Variants in TBC1D5 observed in about 807,000 individuals in gnomAD.
TBC1D5 encodes the protein TBC1 domain family, member 5.
A neutral mutation model predicts 100.3 loss-of-function variants in TBC1D5; 75 were observed. The ratio of observed to expected loss-of-function variants is 0.75; its 90% CI spans 0.62 to 0.91. The LOEUF is 0.91. Ranked by LOEUF, TBC1D5 falls within the 40% of genes least tolerant of loss-of-function variation. The pLI is 0.00. For missense variants in TBC1D5, 910 were observed against 942.4 expected, an observed-to-expected ratio of 0.97 and a Z score of 0.45; for synonymous variants, 323 against 325.6, an observed-to-expected ratio of 0.99 and a Z score of 0.09.
At chr3:17,336,567 G>T (rs916957230) in intron 13 of TBC1D5, among the ~76,000 whole-genome samples, 2 of 152,004 alleles carry the variant, frequency 1.3e-5, no homozygotes, top group African/African-American at 2.4e-5. Context: ...TCATAAGAAA[G>T]AAAGAGAAAA....
intron 16 of TBC1D5, among the ~76,000 whole-genome samples, chr3:17,243,557 T>C (rs2076481522): frequency 6.6e-6 from 1 of 151,952 alleles, no homozygotes; most frequent in Non-Finnish European, 1.5e-5. Flanking sequence ...ACTAAAAAAT[T>C]TGCAATTTAA....
chr3:17,603,078 T>C (rs1178218258), intron 2 of TBC1D5, among the ~76,000 whole-genome samples: 2 of 151,106 alleles, frequency 1.3e-5, no homozygotes, highest in Non-Finnish European at 2.9e-5. Flanking sequence ...TTCAGATCTG[T>C]GGACTATCTC....
rs542890549 is a variant in TBC1D5, at chr3:17,429,005, T to C, written c.98-486A>G. ...AGCCAACTTGAGAGGTAGTGATTAA[T>C]TAATGAGATTTTAATATGCCTTACT... On this transcript the variant is annotated intron_variant, in intron 3 of 21. Transcript: ENST00000253692. Among the ~76,000 whole-genome samples, 10 of 152,104 alleles carry C rather than the reference T, an allele frequency of 6.6e-5. 1 individual carries two copies. The highest frequency in any genetic ancestry group is 2.2e-4 in the African/African-American group (9 of 41,568).
intron 4 of TBC1D5, among the ~76,000 whole-genome samples, chr3:17,418,910 G>A (rs142278853): frequency 1.3e-5 from 2 of 152,256 alleles, no homozygotes; most frequent in East Asian, 3.9e-4. Context: ...ACCAACCACG[G>A]ACTGAGACTA....
chr3:17,697,788 G>A (rs561779150), intron 1 of TBC1D5, among the ~76,000 whole-genome samples: 50 of 146,274 alleles, frequency 3.4e-4, no homozygotes, highest in African/African-American at 1.1e-3. Flanking sequence ...AACAGAACCC[G>A]CGTTGCCAAG....
intron 2 of TBC1D5, among the ~76,000 whole-genome samples, chr3:17,570,615 C>A (rs1295818185): frequency 6.6e-6 from 1 of 151,960 alleles, no homozygotes; most frequent in Non-Finnish European, 1.5e-5. Context: ...CTAGACCATC[C>A]TATTTTTAAT....
intron 2 of TBC1D5, among the ~76,000 whole-genome samples, chr3:17,603,373 C>T (rs1021526485): frequency 1.3e-5 from 2 of 152,002 alleles, no homozygotes; most frequent in African/African-American, 4.8e-5. Context: ...GCACAAAAAC[C>T]AAGATGGCAA....
chr3:17,291,549 A>C (rs560736535), intron 15 of TBC1D5, among the ~76,000 whole-genome samples: 1 of 152,298 alleles, frequency 6.6e-6, no homozygotes, highest in South Asian at 2.1e-4. Context: ...TACTTGGATA[A>C]ATCAACCCCT....
At chr3:17,189,978 A>G (rs1054495697) in intron 18 of TBC1D5, among the ~76,000 whole-genome samples, 4 of 152,156 alleles carry the variant, frequency 2.6e-5, no homozygotes, top group African/African-American at 9.7e-5. Flanking sequence ...TTGCTTTTTA[A>G]TAAGTGGTGT....
chr3:17,240,270 G>A (rs1053078730), intron 16 of TBC1D5, among the ~76,000 whole-genome samples: 82 of 152,204 alleles, frequency 5.4e-4, no homozygotes, highest in African/African-American at 2.0e-3. Context: ...TTTAAAATAT[G>A]AAATTCAGCT....
intron 2 of TBC1D5, among the ~76,000 whole-genome samples, chr3:17,510,918 G>A (rs562233552): frequency 1.4e-4 from 21 of 152,052 alleles, no homozygotes; most frequent in African/African-American, 5.1e-4. Flanking sequence ...AATCACACAA[G>A]GAGTAAGTAT....
intron 3 of TBC1D5, among the ~76,000 whole-genome samples, chr3:17,440,313 CAA>C (rs1284052145): frequency 6.6e-6 from 1 of 150,436 alleles, no homozygotes; most frequent in Non-Finnish European, 1.5e-5. Flanking sequence ...CTTTATCCCC[CAA>C]AAAAAAACTC....
chr3:17,169,484 AG>A (rs749966100), intron 19 of TBC1D5, among the ~76,000 whole-genome samples: 8 of 152,236 alleles, frequency 5.3e-5, no homozygotes, highest in Non-Finnish European at 8.8e-5. Flanking sequence ...TTCATAAACC[AG>A]GGTGATAAGT....
chr3:17,392,212 T>A (rs2093370309), intron 8 of TBC1D5, among the ~76,000 whole-genome samples: 1 of 152,066 alleles, frequency 6.6e-6, no homozygotes, highest in African/African-American at 2.4e-5. Flanking sequence ...ATTTTTTATT[T>A]TTTATTATTT....
At chr3:17,480,522 G>A (rs1012723632) in intron 3 of TBC1D5, among the ~76,000 whole-genome samples, 12 of 152,218 alleles carry the variant, frequency 7.9e-5, no homozygotes, top group African/African-American at 2.9e-4. Flanking sequence ...CCAGCTACGG[G>A]AAGGAGTTAC....
At chr3:17,193,282 A>G (rs1323653676) in intron 18 of TBC1D5, among the ~76,000 whole-genome samples, 1 of 152,226 alleles carries the variant, frequency 6.6e-6, no homozygotes, top group African/African-American at 2.4e-5. Context: ...CCACAAGGTC[A>G]AGTATAGGGA....
intron 2 of TBC1D5, among the ~76,000 whole-genome samples, chr3:17,568,291 T>C (rs902509052): frequency 2.0e-5 from 3 of 151,540 alleles, no homozygotes; most frequent in East Asian, 1.9e-4. Context: ...TCTTTAAAAA[T>C]AGATTATTCT....
At chr3:17,226,850 C>T (rs1234646003) in intron 17 of TBC1D5, among the ~76,000 whole-genome samples, 1 of 152,158 alleles carries the variant, frequency 6.6e-6, no homozygotes, top group East Asian at 1.9e-4. Flanking sequence ...GATTGTAAGA[C>T]ATTCTTAAAT....
At chr3:17,699,142 C>A (rs1203608157) in intron 1 of TBC1D5, among the ~76,000 whole-genome samples, 6 of 138,530 alleles carry the variant, frequency 4.3e-5, no homozygotes, top group African/African-American at 1.4e-4. Flanking sequence ...TGGAACCAAC[C>A]CAAATGTCCA....
Sources: gnomAD v4.1 joint callset for allele counts (sites outside exome capture counted in the v4.1 genomes callset) on GRCh38, gnomAD v4.1.1 for gene constraint, MANE v1.5 for transcripts, NCBI Gene and HGNC (gene_info 2026-07-23, HGNC 2026-07-21) for gene names.